Variants in KHDRBS2 observed in about 807,000 individuals in gnomAD.
The protein encoded by KHDRBS2 is KH domain-containing, RNA-binding, signal transduction-associated protein 2.
Under a neutral mutation model 44.3 loss-of-function variants are expected in KHDRBS2, and 26 were observed. That is an observed-to-expected ratio of 0.59 (90% CI 0.43 to 0.81). KHDRBS2 has a LOEUF of 0.81. KHDRBS2 is among the 40% of genes least tolerant of loss of function. The pLI is 0.00. For synonymous variants in KHDRBS2, 194 were observed against 151.1 expected (o/e 1.28, Z -2.08); for missense variants, 476 against 433.1 (o/e 1.10, Z -0.88).
At chr6:62,046,122 A>T (rs1298436845) in intron 3 of KHDRBS2, among the ~76,000 whole-genome samples, 1 of 151,928 alleles carries the variant, frequency 6.6e-6, no homozygotes. Flanking sequence ...GAGTAATAAG[A>T]AACTGAATTG....
intron 6 of KHDRBS2, among the ~76,000 whole-genome samples, chr6:61,838,482 A>G (rs1793071235): frequency 6.6e-6 from 1 of 152,036 alleles, no homozygotes; most frequent in Non-Finnish European, 1.5e-5. Flanking sequence ...AAATATTAAT[A>G]TATACTATTG....
chr6:62,208,631 T>A (rs1182108633), intron 1 of KHDRBS2, among the ~76,000 whole-genome samples: 1 of 152,134 alleles, frequency 6.6e-6, no homozygotes, highest in Non-Finnish European at 1.5e-5. Context: ...AATGGCTCTA[T>A]TTTTAATTTA....
intron 2 of KHDRBS2, among the ~76,000 whole-genome samples, chr6:62,080,283 AC>A (rs1438328635): frequency 6.6e-6 from 1 of 152,128 alleles, no homozygotes; most frequent in East Asian, 1.9e-4. Flanking sequence ...AGTTCTTAAG[AC>A]AGCCTATGAT....
At chr6:61,768,453 C>T (rs9451706) in intron 6 of KHDRBS2, among the ~76,000 whole-genome samples, 1,880 of 152,190 alleles carry the variant, frequency 0.012, 47 homozygotes, top group African/African-American at 0.043. Flanking sequence ...CTACACCCAT[C>T]CCTTTCTCAA....
At chr6:61,907,368 T>G (rs750540667) in intron 4 of KHDRBS2, among the ~76,000 whole-genome samples, 1 of 152,220 alleles carries the variant, frequency 6.6e-6, no homozygotes, top group Admixed American at 6.5e-5. Context: ...CTCTTCACTT[T>G]GTTGATTGTT....
chr6:62,072,755 G>A (rs1795457140), intron 2 of KHDRBS2, among the ~76,000 whole-genome samples: 1 of 152,102 alleles, frequency 6.6e-6, no homozygotes, highest in South Asian at 2.1e-4. Context: ...TTATTTTATT[G>A]AGGATTTTTG....
Position 62,219,010 on chromosome 6 carries a change from G to T in KHDRBS2, c.92-41698C>A, listed in dbSNP as rs183111130. Among the ~76,000 whole-genome samples, 228 of 151,780 alleles carry T rather than the reference G, an allele frequency of 1.5e-3. 1 individual carries two copies. Among genetic ancestry groups the T allele is most frequent in the African/African-American group, 5.3e-3 (221 of 41,480 alleles). ...AGACACTAGAGATTCAGAAGCACAG[G>T]GGGGAAGAAGTGGGCAGGGTAATGA... On this transcript the variant is annotated intron_variant, in intron 1 of 8. Coordinates refer to ENST00000281156, the MANE Select transcript of KHDRBS2 (RefSeq NM_152688.4).
chr6:61,565,983 G>A, the KHDRBS2 span, among the ~76,000 whole-genome samples: 1 of 142,366 alleles, frequency 7.0e-6, no homozygotes, highest in South Asian at 2.3e-4. Flanking sequence ...ACAGATGTAT[G>A]GGTAAAGAAA....
chr6:61,848,514 TATATGTATATATATATAC>T (rs1562294348), intron 6 of KHDRBS2, among the ~76,000 whole-genome samples: 6 of 51,372 alleles, frequency 1.2e-4, no homozygotes, highest in East Asian at 5.3e-4. Context: ...TATATATGTA[TATATGTATATATATATAC>T]ATATATATGT....
chr6:61,999,006 A>G (rs1480010360), intron 3 of KHDRBS2, among the ~76,000 whole-genome samples: 6 of 151,962 alleles, frequency 3.9e-5, no homozygotes, highest in Non-Finnish European at 8.8e-5. Flanking sequence ...CTTTGCCTAC[A>G]TTTTCTCATT....
chr6:62,045,759 C>G (rs2127304307), intron 3 of KHDRBS2, among the ~76,000 whole-genome samples: 1 of 151,616 alleles, frequency 6.6e-6, no homozygotes, highest in East Asian at 1.9e-4. Context: ...ATCTTCTTTC[C>G]TGTTTATGTC....
the KHDRBS2 span, among the ~76,000 whole-genome samples, chr6:61,603,328 C>G: frequency 1.8e-4 from 27 of 152,270 alleles, 1 homozygote; most frequent in African/African-American, 6.0e-4. Context: ...CCTCCACAAC[C>G]CATTATTCTG....
chr6:61,606,184 G>C, the KHDRBS2 span, among the ~76,000 whole-genome samples: 6 of 152,086 alleles, frequency 3.9e-5, no homozygotes, highest in South Asian at 1.2e-3. Flanking sequence ...GTCTCTTTTC[G>C]GACTCAGCCT....
rs374628914 is a variant in KHDRBS2 at position 61,922,018 on chromosome 6, A to C, written c.484-20647T>G. Among the ~76,000 whole-genome samples, 31 of 152,108 alleles carry C rather than the reference A, an allele frequency of 2.0e-4. No individual in the cohort carries two copies. The East Asian group carries it at 5.6e-3, about 28-fold the overall frequency. ...TTTTCTTTGACATCCATATCGTTAA[A>C]AAATTATATCTCATAGTAAATATCA... On this transcript the variant is annotated intron_variant, in intron 4 of 8. Coordinates refer to ENST00000281156, the MANE Select transcript of KHDRBS2 (RefSeq NM_152688.4).
intron 7 of KHDRBS2, among the ~76,000 whole-genome samples, chr6:61,711,219 A>G (rs1238856502): frequency 6.6e-6 from 1 of 151,746 alleles, no homozygotes. Context: ...AACTGTTCTT[A>G]TGGAACTTTA....
the KHDRBS2 span, among the ~76,000 whole-genome samples, chr6:61,591,255 A>C: frequency 6.6e-6 from 1 of 152,182 alleles, no homozygotes; most frequent in Admixed American, 6.5e-5. Flanking sequence ...AAAACTAAGA[A>C]TATGTGCCTA....
intron 1 of KHDRBS2, among the ~76,000 whole-genome samples, chr6:62,226,675 T>C (rs1831890865): frequency 6.6e-6 from 1 of 152,210 alleles, no homozygotes; most frequent in African/African-American, 2.4e-5. Context: ...TTTAAGTCTT[T>C]AATCCATCTT....
chr6:61,715,362 C>A (rs188232677), intron 7 of KHDRBS2, among the ~76,000 whole-genome samples: 1 of 152,064 alleles, frequency 6.6e-6, no homozygotes, highest in East Asian at 1.9e-4. Context: ...TATCCCAATA[C>A]CACTTTTTTT....
the KHDRBS2 span, among the ~76,000 whole-genome samples, chr6:61,635,720 C>T: frequency 6.6e-6 from 1 of 152,066 alleles, no homozygotes; most frequent in South Asian, 2.1e-4. Flanking sequence ...ACCTACTATC[C>T]ATGTTGAGGT....
Sources: gnomAD v4.1 joint callset for allele counts (sites outside exome capture counted in the v4.1 genomes callset) on GRCh38, gnomAD v4.1.1 for gene constraint, MANE v1.5 for transcripts, NCBI Gene and HGNC (gene_info 2026-07-23, HGNC 2026-07-21) for gene names.